The following NAV3 variants were observed in gnomAD, a reference collection of about 807,000 sequenced individuals.
NAV3 encodes neuron navigator 3.
In NAV3, 87 loss-of-function variants were observed where a neutral mutation model predicts 244.7. The ratio of observed to expected loss-of-function variants is 0.36; its 90% CI spans 0.30 to 0.42. The LOEUF (loss-of-function observed/expected upper bound fraction) is 0.42. Among genes scored for constraint, NAV3 ranks in the 20% least tolerant of loss-of-function variants. The pLI is 1.00. For synonymous variants in NAV3, 1,126 were observed against 1,042.2 expected (o/e 1.08, Z -1.55); for missense variants, 2,663 against 2,893.3 (o/e 0.92, Z 1.83).
chr12:77,595,490 G>A (rs575881735), intron 2 of NAV3, among the ~76,000 whole-genome samples: 18 of 151,970 alleles, frequency 1.2e-4, no homozygotes, highest in African/African-American at 3.4e-4. Flanking sequence ...ATAAATAATC[G>A]TATTGTATAC....
chr12:77,921,109 A>G (rs1260071015), intron 1 of NAV3, among the ~76,000 whole-genome samples: 1 of 152,086 alleles, frequency 6.6e-6, no homozygotes, highest in Non-Finnish European at 1.5e-5. Context: ...GAAATATTCA[A>G]CAGACTTTGT....
intron 2 of NAV3, among the ~76,000 whole-genome samples, chr12:77,723,755 C>CTTGTTTTTT: frequency 1.5e-5 from 1 of 67,646 alleles, no homozygotes; most frequent in Non-Finnish European, 2.6e-5. Flanking sequence ...GCAATCTTGA[C>CTTGTTTTTT]TTTTTTTTTT....
chr12:77,773,444 G>A lies in NAV3; in HGVS notation c.73-166875G>A, dbSNP rs118095983. Among the ~76,000 whole-genome samples, 85 of 152,184 alleles carry A rather than the reference G, an allele frequency of 5.6e-4. No individual in the cohort carries two copies. In the East Asian group the frequency reaches 0.014, roughly 26 times the overall value. On this transcript the variant is annotated intron_variant, in intron 2 of 8. Transcript: ENST00000550042. ...GAAAATCAACTGCAAATGATTTGCC[G>A]GTATTTACCGAGTACTTACTAAATG...
chr12:77,586,554 A>G (rs763069594), intron 2 of NAV3, among the ~76,000 whole-genome samples: 2 of 152,192 alleles, frequency 1.3e-5, no homozygotes, highest in Non-Finnish European at 2.9e-5. Flanking sequence ...TTTTTCTTAA[A>G]GTCTTAGAGA....
chr12:77,675,016 T>C (rs1176359972), intron 2 of NAV3, among the ~76,000 whole-genome samples: 4 of 152,218 alleles, frequency 2.6e-5, no homozygotes, highest in African/African-American at 9.6e-5. Flanking sequence ...AGTAGATTTT[T>C]AGGTGAGAAC....
chr12:77,799,528 CAAT>C (rs1389513707), intron 2 of NAV3, among the ~76,000 whole-genome samples: 2 of 152,152 alleles, frequency 1.3e-5, no homozygotes, highest in East Asian at 3.8e-4. Flanking sequence ...CCTCCCTTGA[CAAT>C]GATGATTATG....
chr12:78,097,063 A>G (rs1171080449), intron 12 of NAV3, among the ~76,000 whole-genome samples: 2 of 152,226 alleles, frequency 1.3e-5, no homozygotes, highest in Non-Finnish European at 2.9e-5. Context: ...AACAAAGCTC[A>G]GAAACAGAGA....
chr12:77,872,873 A>G (rs1881186301), intron 1 of NAV3, among the ~76,000 whole-genome samples: 1 of 152,180 alleles, frequency 6.6e-6, no homozygotes, highest in South Asian at 2.1e-4. Flanking sequence ...TATAGAAAAA[A>G]GTTTTTACAA....
chr12:77,807,973 T>C (rs2135990495), intron 2 of NAV3, among the ~76,000 whole-genome samples: 1 of 152,316 alleles, frequency 6.6e-6, no homozygotes, highest in East Asian at 1.9e-4. Flanking sequence ...ATTCAGCTAT[T>C]GATACATGTA....
chr12:78,021,894 C>A (rs762051053), intron 9 of NAV3, 32 bp downstream of exon 9: 2 of 1,376,688 alleles, frequency 1.5e-6, no homozygotes, highest in South Asian at 2.5e-5. Context: ...TAGGTCAAAC[C>A]TAGGAATTTC....
intron 3 of NAV3, among the ~76,000 whole-genome samples, chr12:77,952,213 C>A (rs1415841235): frequency 6.6e-6 from 1 of 152,044 alleles, no homozygotes; most frequent in Non-Finnish European, 1.5e-5. Context: ...CTTTACAGGG[C>A]AGAAGTTTTT....
At chr12:77,617,957 A>G (rs948658521) in intron 2 of NAV3, among the ~76,000 whole-genome samples, 1 of 152,224 alleles carries the variant, frequency 6.6e-6, no homozygotes, top group Non-Finnish European at 1.5e-5. Flanking sequence ...TTCTGAGGCA[A>G]TAGTTAGCAA....
intron 2 of NAV3, among the ~76,000 whole-genome samples, chr12:77,742,255 G>T (rs1213655607): frequency 1.3e-5 from 2 of 151,974 alleles, no homozygotes; most frequent in African/African-American, 4.8e-5. Context: ...AGGATAAGTT[G>T]TGCTTCTTTT....
chr12:77,623,408 G>T (rs373960386), intron 2 of NAV3, among the ~76,000 whole-genome samples: 6 of 152,094 alleles, frequency 3.9e-5, no homozygotes, highest in African/African-American at 1.4e-4. Context: ...AATATCTTTG[G>T]TTTTGAATTG....
chr12:78,007,442 A>G lies in NAV3; in HGVS notation c.1904A>G (p.Tyr635Cys), dbSNP rs1356339657. Reference protein sequence around the residue: ...PNTATVAPFIYRAHSENEGTA... With the variant: ...PNTATVAPFICRAHSENEGTA... ...ACCGCGACAGTGGCACCATTCATTT[A>G]CAGGTAAGGTGGCCTCTGTTTATCC... is the stretch of plus-strand genomic sequence containing the variant. The change falls in exon 8 of 40, where the codon TAC becomes TGC. Residue 635 changes from tyrosine to cysteine, a missense_variant. Tyr to Cys is a radical substitution (Grantham distance 194, BLOSUM62 -2). This residue lies in a region of NAV3 where 1,521 missense variants were observed against 1,497.0 expected (regional missense o/e 1.02). Coordinates refer to ENST00000397909, the MANE Select transcript of NAV3 (RefSeq NM_001024383.2). The G allele has an allele frequency of 1.9e-6, 3 of 1,612,572 alleles. No individual in the cohort carries two copies. The highest frequency in any genetic ancestry group is 1.7e-4 in the Middle Eastern group (1 of 6,056).
rs367777305 is a variant in NAV3, at chr12:78,065,302, A to G, written c.2636+6187A>G. 1.4e-4 allele frequency among the ~76,000 whole-genome samples: 22 copies of G among 152,264 alleles called. No homozygotes were observed. In the East Asian group the frequency reaches 2.9e-3, roughly 20 times the overall value. ...CTAAAGTCAGCTTCCCAGCCATAGCATCACTCAGTAGAGCTGGCCTCCTGC... is the reference window on the plus strand; with the variant it reads ...CTAAAGTCAGCTTCCCAGCCATAGCGTCACTCAGTAGAGCTGGCCTCCTGC... On this transcript the variant is annotated intron_variant, in intron 12 of 39. Transcript: ENST00000397909.
At chr12:78,189,538 AAAAG>A (rs1412875528) in intron 33 of NAV3, among the ~76,000 whole-genome samples, 1 of 149,306 alleles carries the variant, frequency 6.7e-6, no homozygotes, top group Non-Finnish European at 1.5e-5. Flanking sequence ...AAGAGAAAGT[AAAAG>A]AAAGAACACA....
intron 2 of NAV3, among the ~76,000 whole-genome samples, chr12:77,820,685 G>A (rs79766230): frequency 0.014 from 2,192 of 152,052 alleles, 49 homozygotes; most frequent in East Asian, 0.014. Context: ...TGGGAAGATC[G>A]CACACTCTAC....
chr12:77,585,525 CG>C (rs140668100), intron 2 of NAV3, among the ~76,000 whole-genome samples: 2,246 of 152,170 alleles, frequency 0.015, 57 homozygotes, highest in African/African-American at 0.052. Context: ...TCTGATAGGA[CG>C]GGGGAAGGGT....
Sources: allele counts gnomAD v4.1 joint callset (sites outside exome capture counted in the v4.1 genomes callset), GRCh38; gene constraint gnomAD v4.1.1; regional missense constraint gnomAD v4.1.1; transcripts MANE v1.5; gene names NCBI Gene and HGNC (gene_info 2026-07-23, HGNC 2026-07-21).